The following SPART variants were observed in gnomAD, a reference collection of about 807,000 sequenced individuals.
SPART encodes the protein spartin.
Under a neutral mutation model 58.7 loss-of-function variants are expected in SPART, and 35 were observed. The observed-to-expected ratio is 0.60, with a 90% confidence interval of 0.46 to 0.79. SPART has a LOEUF of 0.79. SPART is among the 30% of genes least tolerant of loss of function. The pLI, the probability that SPART is intolerant of heterozygous loss-of-function variation, is 0.00. For synonymous variants in SPART, 284 were observed against 280.7 expected, an observed-to-expected ratio of 1.01 and a Z score of -0.12; for missense variants, 730 against 786.1, an observed-to-expected ratio of 0.93 and a Z score of 0.85.
intron 1 of SPART, chr13:36,360,759 T>C (rs1483722142): frequency 1.3e-5 from 2 of 152,866 alleles, no homozygotes; most frequent in Non-Finnish European, 2.9e-5. Flanking sequence ...TCTTCTTCTC[T>C]TGCCCCCTTC....
intron 1 of SPART, among the ~76,000 whole-genome samples, chr13:36,338,462 T>C (rs563861122): frequency 2.0e-5 from 3 of 152,188 alleles, no homozygotes; most frequent in African/African-American, 7.2e-5. Context: ...TAAGAATTGA[T>C]GGAATTCAAT....
rs61952469 is a variant in SPART, at chr13:36,302,238, C to A, written c.*2127G>T. On this transcript the variant is annotated 3_prime_UTR_variant, in exon 9 of 9. Coordinates refer to ENST00000438666, the MANE Select transcript of SPART (RefSeq NM_015087.5). The stretch of plus-strand genomic sequence containing the variant: ...CCTTACAAGTAATATATAATTTTAT[C>A]TATATATCAATCATTACACAATATA... 3 of 87,710 alleles carry A rather than the reference C, an allele frequency of 3.4e-5. No homozygotes were observed. The highest frequency in any genetic ancestry group is 3.4e-5 in the African/African-American group (1 of 29,598). 5.4% of individuals were successfully genotyped at this position (87,710 alleles called of 1,614,324 possible).
intron 1 of SPART, among the ~76,000 whole-genome samples, chr13:36,338,391 T>C (rs1884226701): frequency 6.6e-6 from 1 of 152,134 alleles, no homozygotes; most frequent in Non-Finnish European, 1.5e-5. Context: ...TGCTTTAAAC[T>C]GTCAGTGGGA....
At chr13:36,348,161 C>A (rs1400895786), upstream of SPART, among the ~76,000 whole-genome samples, 1 of 152,242 alleles carries the variant, frequency 6.6e-6, no homozygotes, top group East Asian at 1.9e-4. Flanking sequence ...TGGTACACAT[C>A]TGTAGTCCCA....
chr13:36,313,703 A>G (rs191472984), intron 6 of SPART, among the ~76,000 whole-genome samples: 17 of 152,340 alleles, frequency 1.1e-4, no homozygotes, highest in Admixed American at 9.1e-4. Flanking sequence ...CATGGTGTAT[A>G]GGTTTGTACT....
chr13:36,315,078 A>T (rs1486686203), intron 5 of SPART, among the ~76,000 whole-genome samples: 1 of 152,248 alleles, frequency 6.6e-6, no homozygotes, highest in African/African-American at 2.4e-5. Context: ...TAAAAGAAGA[A>T]GAGTGAGGCC....
chr13:36,335,376 G>A lies in SPART; in HGVS notation c.455C>T (p.Ala152Val). ...NGNTSTPSAG[A>V]VAAPASLSLP... ...AGACAGAGAAGCAGGTGCAGCAACT[G>A]CCCCTGCACTTGGAGTTGAGGTGTT... is the stretch of plus-strand genomic sequence containing the variant. Residue 152 changes from alanine to valine, a missense_variant, in exon 2 of 9, where the codon GCA becomes GTA. By Grantham distance (64) the Ala-to-Val change is moderately conservative (BLOSUM62 0). Transcript: ENST00000438666. The A allele has an allele frequency of 1.2e-6, 2 of 1,614,070 alleles. No individual in the cohort carries two copies. The highest frequency in any genetic ancestry group is 1.7e-6 in the Non-Finnish European group (2 of 1,179,992).
At chr13:36,321,587 A>G (rs1882402506) in intron 5 of SPART, among the ~76,000 whole-genome samples, 1 of 151,292 alleles carries the variant, frequency 6.6e-6, no homozygotes, top group Non-Finnish European at 1.5e-5. Context: ...AATCTCTCCC[A>G]CTCTAGGTTC....
At chr13:36,319,906 T>C (rs1593238300) in intron 5 of SPART, among the ~76,000 whole-genome samples, 1 of 152,186 alleles carries the variant, frequency 6.6e-6, no homozygotes, top group African/African-American at 2.4e-5. Context: ...ACACGTGCTC[T>C]CCCTGCCAAT....
chr13:36,318,297 C>G (rs1881952056), intron 5 of SPART, among the ~76,000 whole-genome samples: 9 of 152,130 alleles, frequency 5.9e-5, no homozygotes, highest in Admixed American at 5.9e-4. Flanking sequence ...GGAGCTAAAG[C>G]CATAGTCAAG....
At chr13:36,314,515 G>A in intron 5 of SPART, 94 bp from the exon 6 acceptor site, 1 of 1,255,546 alleles carries the variant, frequency 8.0e-7, no homozygotes, top group Admixed American at 1.8e-5. Context: ...AAAATAAAAG[G>A]AGTTTGATAT....
At chr13:36,321,305 G>A (rs1882357008) in intron 5 of SPART, among the ~76,000 whole-genome samples, 2 of 152,192 alleles carry the variant, frequency 1.3e-5, no homozygotes, top group South Asian at 2.1e-4. Flanking sequence ...TCCTGGTGCT[G>A]TCCCCAAACT....
chr13:36,344,104 C>A (rs1319474014), intron 1 of SPART, among the ~76,000 whole-genome samples: 1 of 151,368 alleles, frequency 6.6e-6, no homozygotes, highest in African/African-American at 2.4e-5. Context: ...GTGTTTGATT[C>A]CAAATCTAAA....
At chr13:36,360,981 T>A (rs1279411025) in intron 1 of SPART, among the ~76,000 whole-genome samples, 1 of 152,216 alleles carries the variant, frequency 6.6e-6, no homozygotes, top group Non-Finnish European at 1.5e-5. Context: ...CAGAAATGTC[T>A]TGGGAGCTGT....
intron 2 of SPART, among the ~76,000 whole-genome samples, chr13:36,332,856 GAA>G (rs1458813719): frequency 6.6e-6 from 1 of 151,908 alleles, no homozygotes; most frequent in Non-Finnish European, 1.5e-5. Flanking sequence ...ATATGTATGA[GAA>G]AAATACATAT....
chr13:36,324,844 G>A (rs1024994916), intron 5 of SPART, among the ~76,000 whole-genome samples: 1 of 152,148 alleles, frequency 6.6e-6, no homozygotes, highest in Non-Finnish European at 1.5e-5. Flanking sequence ...GAAAATTACA[G>A]TCAAAGGGGA....
intron 1 of SPART, among the ~76,000 whole-genome samples, chr13:36,356,223 A>G (rs1885616252): frequency 6.6e-6 from 1 of 152,214 alleles, no homozygotes; most frequent in Admixed American, 6.5e-5. Flanking sequence ...ATCTTTACTG[A>G]ATAAATACGA....
At chr13:36,358,483 C>T (rs1038685845) in intron 1 of SPART, among the ~76,000 whole-genome samples, 1 of 152,178 alleles carries the variant, frequency 6.6e-6, no homozygotes, top group Admixed American at 6.5e-5. Flanking sequence ...ACAATTGGTA[C>T]TGTATTACTA....
rs1355990729 is a variant in SPART, at chr13:36,312,215, C to T, written c.1663G>A (p.Gly555Arg). 6.2e-7 allele frequency: 1 copy of T among 1,614,142 alleles called. No individual in the cohort carries two copies. Among genetic ancestry groups the T allele is most frequent in the Non-Finnish European group, 8.5e-7 (1 of 1,180,002 alleles). The change falls in exon 8 of 9, where the codon GGA (glycine) becomes AGA (arginine). Residue 555 changes from glycine (G) to arginine (R), a missense_variant. Physicochemically the swap from Gly to Arg is moderately radical, Grantham distance 125 (BLOSUM62 -2). Transcript: ENST00000438666. ...SVQGFSTVWQ[G>R]LECAAKCIVN... ...ATGCATTTAGCTGCACATTCCAATCCTTGCCAGACAGTTGAAAATCCTGTA... is the reference window on the plus strand; with the variant it reads ...ATGCATTTAGCTGCACATTCCAATCTTTGCCAGACAGTTGAAAATCCTGTA...
Sources: allele counts gnomAD v4.1 joint callset (sites outside exome capture counted in the v4.1 genomes callset), GRCh38; gene constraint gnomAD v4.1.1; transcripts MANE v1.5; gene names NCBI Gene and HGNC (gene_info 2026-07-23, HGNC 2026-07-21).